Variants in MEF2C observed in about 807,000 individuals in gnomAD.
MEF2C encodes the protein myocyte enhancer factor 2C.
A neutral mutation model predicts 50.5 loss-of-function variants in MEF2C; 6 were observed. That is an observed-to-expected ratio of 0.12 (90% CI 0.07 to 0.23). The LOEUF is 0.23. MEF2C is among the 10% of genes least tolerant of loss of function. The pLI is 1.00. For synonymous variants in MEF2C, 183 were observed against 228.0 expected (o/e 0.80, Z 1.78); for missense variants, 276 against 605.0 (o/e 0.46, Z 5.70).
At chr5:88,838,076 T>A (rs1815879623) in intron 1 of MEF2C, among the ~76,000 whole-genome samples, 1 of 152,226 alleles carries the variant, frequency 6.6e-6, no homozygotes, top group African/African-American at 2.4e-5. Flanking sequence ...TGGATCAATA[T>A]ATCAATCCAG....
At chr5:88,781,306 A>T (rs958158189) in intron 3 of MEF2C, among the ~76,000 whole-genome samples, 1 of 152,378 alleles carries the variant, frequency 6.6e-6, no homozygotes, top group East Asian at 1.9e-4. Flanking sequence ...CTAAATTTAC[A>T]TATGCAAAAA....
chr5:88,777,875 G>T (rs952704643), intron 3 of MEF2C, among the ~76,000 whole-genome samples: 3 of 143,608 alleles, frequency 2.1e-5, no homozygotes, highest in African/African-American at 5.1e-5. Context: ...CCAAGGAAAA[G>T]AAAGGGTGCT....
At chr5:88,879,229 GC>G (rs1361939265) in intron 1 of MEF2C, among the ~76,000 whole-genome samples, 10 of 151,784 alleles carry the variant, frequency 6.6e-5, no homozygotes, top group Admixed American at 6.6e-4. Context: ...TTTAGAAGAA[GC>G]AAAAAATTAC....
At chr5:88,739,197 T>A in intron 6 of MEF2C, 1 of 976,960 alleles carries the variant, frequency 1.0e-6, no homozygotes, top group Non-Finnish European at 1.2e-6. Context: ...TAAAAATAAT[T>A]TTGTTTAGTA....
At chr5:88,846,379 T>C (rs1394162525) in intron 1 of MEF2C, among the ~76,000 whole-genome samples, 2 of 152,112 alleles carry the variant, frequency 1.3e-5, no homozygotes, top group Non-Finnish European at 2.9e-5. Flanking sequence ...ACTTCAACAC[T>C]TTACGAAAGT....
intron 1 of MEF2C, among the ~76,000 whole-genome samples, chr5:88,830,052 C>A (rs1178754136): frequency 6.6e-6 from 1 of 151,910 alleles, no homozygotes; most frequent in Non-Finnish European, 1.5e-5. Flanking sequence ...TCTCACTTTC[C>A]AAAGCTAATG....
chr5:88,895,443 A>C (rs1191435331), intron 1 of MEF2C, among the ~76,000 whole-genome samples: 3 of 152,136 alleles, frequency 2.0e-5, no homozygotes, highest in Admixed American at 6.5e-5. Flanking sequence ...TGATGCTCCA[A>C]GATTTTATTT....
At chr5:88,804,558 G>C in intron 3 of MEF2C, 40 bp downstream of exon 3, 1 of 1,600,934 alleles carries the variant, frequency 6.2e-7, no homozygotes, top group South Asian at 1.1e-5. Context: ...AAACTCCCCT[G>C]CTTGCGGAGG....
chr5:88,841,181 G>C (rs557872977), intron 1 of MEF2C, among the ~76,000 whole-genome samples: 1 of 152,070 alleles, frequency 6.6e-6, no homozygotes, highest in Admixed American at 6.6e-5. Flanking sequence ...CTATGGCCCC[G>C]TAATGCCATT....
chr5:88,850,731 C>T (rs149542148), intron 1 of MEF2C, among the ~76,000 whole-genome samples: 272 of 151,930 alleles, frequency 1.8e-3, no homozygotes, highest in Non-Finnish European at 7.7e-4. Flanking sequence ...TATATATGCA[C>T]ACACACACAT....
intron 3 of MEF2C, among the ~76,000 whole-genome samples, chr5:88,767,807 A>G (rs1177055151): frequency 2.0e-5 from 3 of 152,242 alleles, no homozygotes; most frequent in African/African-American, 7.2e-5. Context: ...TGTATTGAAC[A>G]CAAGGAAACA....
At chr5:88,821,678 G>A (rs910492323) in intron 2 of MEF2C, among the ~76,000 whole-genome samples, 2 of 151,772 alleles carry the variant, frequency 1.3e-5, no homozygotes, top group African/African-American at 2.4e-5. Context: ...GTTCTCACTC[G>A]TGTGGGAGCT....
At chr5:88,899,786 G>A (rs184428574) in intron 1 of MEF2C, among the ~76,000 whole-genome samples, 4 of 152,170 alleles carry the variant, frequency 2.6e-5, no homozygotes, top group Admixed American at 2.6e-4. Context: ...ATTGTTAAAT[G>A]GTTTGTTGAT....
rs1378732687 is a variant in MEF2C at position 88,791,786 on chromosome 5, T to C, written c.258+12812A>G. ...AAGTAAAAATATTATTTACAGGTAC[T>C]AATAAAAGTCTTTTAAAGATATATA... On this transcript the variant is annotated intron_variant, in intron 3 of 10. Coordinates refer to ENST00000504921, the MANE Select transcript of MEF2C (RefSeq NM_002397.5). Among the ~76,000 whole-genome samples the C allele has an allele frequency of 5.3e-5, 8 of 152,086 alleles. No individual in the cohort carries two copies. The East Asian group carries it at 1.5e-3, about 29-fold the overall frequency.
At chr5:88,749,496 A>G (rs1407341072) in intron 5 of MEF2C, 1 of 984,712 alleles carries the variant, frequency 1.0e-6, no homozygotes, top group Non-Finnish European at 1.2e-6. Flanking sequence ...TTCTTTGTAA[A>G]TATGTTTTAT....
intron 6 of MEF2C, chr5:88,742,502 A>G (rs530161468): frequency 1.0e-6 from 1 of 977,682 alleles, no homozygotes. Context: ...ACTTTACTGT[A>G]GATATAGAAG....
At chr5:88,895,844 C>G (rs1037058493) in intron 1 of MEF2C, among the ~76,000 whole-genome samples, 1 of 152,204 alleles carries the variant, frequency 6.6e-6, no homozygotes, top group East Asian at 1.9e-4. Flanking sequence ...TATGTTCTAT[C>G]AGAGGAGCCG....
chr5:88,822,955 A>G (rs1483600553), intron 2 of MEF2C, among the ~76,000 whole-genome samples: 1 of 151,996 alleles, frequency 6.6e-6, no homozygotes, highest in Non-Finnish European at 1.5e-5. Context: ...CTGTCCTTAC[A>G]TAGCCTAACT....
rs1216823829 is a variant in MEF2C at position 88,721,366 on chromosome 5, T to C, written c.*1238A>G. The C allele has an allele frequency of 1.3e-5, 2 of 152,630 alleles. No individual in the cohort carries two copies. The highest frequency in any genetic ancestry group is 2.4e-5 in the African/African-American group (1 of 41,454). 9.5% of individuals were successfully genotyped at this position (152,630 alleles called of 1,614,324 possible). ...AACTAGTATATACAATGGATGTCAGTTGACCCAATAGATTGCTAATGTATT... is the reference window on the plus strand; with the variant it reads ...AACTAGTATATACAATGGATGTCAGCTGACCCAATAGATTGCTAATGTATT... On this transcript the variant is annotated 3_prime_UTR_variant, in exon 11 of 11. Coordinates refer to ENST00000504921, the MANE Select transcript of MEF2C (RefSeq NM_002397.5).
Sources: gnomAD v4.1 joint callset for allele counts (sites outside exome capture counted in the v4.1 genomes callset) on GRCh38, gnomAD v4.1.1 for gene constraint, MANE v1.5 for transcripts, NCBI Gene and HGNC (gene_info 2026-07-23, HGNC 2026-07-21) for gene names.